Variants in CRYBG1 observed in about 807,000 individuals in gnomAD.
CRYBG1 encodes the protein beta/gamma crystallin domain-containing protein 1.
Under a neutral mutation model 189.2 loss-of-function variants are expected in CRYBG1, and 139 were observed. The ratio of observed to expected loss-of-function variants is 0.73; its 90% CI spans 0.64 to 0.85. CRYBG1 has a LOEUF of 0.85. Among genes scored for constraint, CRYBG1 ranks in the 40% least tolerant of loss-of-function variants. CRYBG1 has a pLI of 0.00. For missense variants in CRYBG1, 2,611 were observed against 2,675.8 expected, an observed-to-expected ratio of 0.98 and a Z score of 0.53; for synonymous variants, 1,023 against 1,017.1, an observed-to-expected ratio of 1.01 and a Z score of -0.11.
At chr6:106,531,300 G>C (rs1212506734) in intron 8 of CRYBG1, among the ~76,000 whole-genome samples, 1 of 152,188 alleles carries the variant, frequency 6.6e-6, no homozygotes, top group Non-Finnish European at 1.5e-5. Context: ...TCAGAAATGA[G>C]AAACTAAAAA....
intron 1 of CRYBG1, among the ~76,000 whole-genome samples, chr6:106,371,488 T>C (rs1363097486): frequency 6.6e-6 from 1 of 152,336 alleles, no homozygotes; most frequent in Non-Finnish European, 1.5e-5. Flanking sequence ...TTAGCTCCCA[T>C]GAACTAAGTG....
chr6:106,512,132 G>A lies in CRYBG1; in HGVS notation c.1015G>A (p.Ala339Thr), dbSNP rs1236052023. 19 of 1,534,256 alleles carry A rather than the reference G, an allele frequency of 1.2e-5. No individual in the cohort carries two copies. Among genetic ancestry groups the A allele is most frequent in the Non-Finnish European group, 1.6e-5 (18 of 1,146,002 alleles). The change falls in exon 3 of 22, where the codon GCG (alanine) becomes ACG (threonine). Residue 339 changes from alanine (A) to threonine (T), a missense_variant. Around this residue, in one of 3 missense-constraint regions of CRYBG1, gnomAD observed 985 missense variants for 924.4 expected, o/e 1.07. Coordinates refer to ENST00000633556, the MANE Select transcript of CRYBG1 (RefSeq NM_001371242.2). Reference protein sequence around the residue: ...RNARSQPPKGASDLPGEPPAE... With the variant: ...RNARSQPPKGTSDLPGEPPAE... ...CGCCCGCAGCCAGCCCCCCAAGGGC[G>A]CGTCTGATTTGCCAGGTGAGCCTCC... is the stretch of plus-strand genomic sequence containing the variant.
In CRYBG1 at chr6:106,543,540, CTG is replaced by C. The variant is rs754679298; in HGVS notation, c.4983_4984del (p.Gly1662ArgfsTer23). 5.6e-6 allele frequency: 9 copies of C among 1,613,946 alleles called. No homozygotes were observed. The East Asian group carries it at 1.6e-4, about 28-fold the overall frequency. On this transcript the variant is annotated frameshift_variant, in exon 11 of 22. Coordinates refer to ENST00000633556, the MANE Select transcript of CRYBG1 (RefSeq NM_001371242.2). LOFTEE classifies it high-confidence loss of function. ...GAGGGAGGTGAAACAGAAGAGGCGA[CTG>C]GAGACGATCATTTGCCGTTTACGTC...
In CRYBG1 at chr6:106,563,711, G is replaced by C. The variant is rs542981951; in HGVS notation, c.6139-53G>C. 3 of 1,536,438 alleles carry C rather than the reference G, an allele frequency of 2.0e-6. No individual in the cohort carries two copies. In the African/African-American group the frequency reaches 4.1e-5, roughly 21 times the overall value. On this transcript the variant is annotated intron_variant, in intron 20 of 21. Coordinates refer to ENST00000633556, the MANE Select transcript of CRYBG1 (RefSeq NM_001371242.2). ...ATGTAACCAGAGAAATAATTGCTAT[G>C]AGACTTACAGCTGGATACATATTTA...
intron 17 of CRYBG1, 109 bp from the exon 18 acceptor site, chr6:106,558,377 C>G (rs1362105716): frequency 1.0e-6 from 1 of 970,286 alleles, no homozygotes; most frequent in Non-Finnish European, 1.5e-6. Flanking sequence ...ATGGAAAGGC[C>G]AAATCTAGCA....
intron 1 of CRYBG1, among the ~76,000 whole-genome samples, chr6:106,430,720 C>G (rs1166374814): frequency 1.3e-5 from 2 of 152,040 alleles, no homozygotes; most frequent in Non-Finnish European, 2.9e-5. Context: ...CCCATATTAT[C>G]TCGTGGCCTT....
intron 2 of CRYBG1, among the ~76,000 whole-genome samples, chr6:106,483,090 TTCTA>T (rs1162985620): frequency 5.3e-5 from 8 of 152,076 alleles, no homozygotes; most frequent in South Asian, 2.1e-4. Context: ...AACTTACTCT[TTCTA>T]TCTAATTGTC....
At chr6:106,470,675 T>G (rs1415627067) in intron 2 of CRYBG1, among the ~76,000 whole-genome samples, 1 of 152,190 alleles carries the variant, frequency 6.6e-6, no homozygotes, top group Non-Finnish European at 1.5e-5. Flanking sequence ...GTAAGGCAGA[T>G]CTACTTAGAC....
At chr6:106,544,545 T>G (rs780761024) in intron 11 of CRYBG1, 26 bp from the exon 12 acceptor site, 2 of 1,607,074 alleles carry the variant, frequency 1.2e-6, no homozygotes, top group Non-Finnish European at 1.7e-6. Context: ...TGGAAATGAC[T>G]ACTCCTCGTG....
At chr6:106,558,728 C>T (rs1454265729) in intron 18 of CRYBG1, 103 bp downstream of exon 18, 32 of 883,004 alleles carry the variant, frequency 3.6e-5, no homozygotes, top group Middle Eastern at 4.7e-4. Flanking sequence ...TTTAGGAGGC[C>T]GAGGTAGAAG....
At chr6:106,391,213 G>A (rs959030322) in intron 1 of CRYBG1, among the ~76,000 whole-genome samples, 2 of 152,102 alleles carry the variant, frequency 1.3e-5, no homozygotes, top group Non-Finnish European at 2.9e-5. Flanking sequence ...CTCCCAAGTA[G>A]CTGAGATTAC....
At chr6:106,532,622 T>C (rs978752863) in intron 8 of CRYBG1, among the ~76,000 whole-genome samples, 2 of 152,216 alleles carry the variant, frequency 1.3e-5, no homozygotes, top group Admixed American at 1.3e-4. Flanking sequence ...AGGTGGTATC[T>C]CATTGTGGTT....
At chr6:106,453,437 C>T (rs866769661) in intron 2 of CRYBG1, among the ~76,000 whole-genome samples, 7 of 152,014 alleles carry the variant, frequency 4.6e-5, no homozygotes, top group Middle Eastern at 3.4e-3. Context: ...ACTGGCTTAC[C>T]GTACTTTATA....
intron 1 of CRYBG1, among the ~76,000 whole-genome samples, chr6:106,391,152 G>A (rs1770492923): frequency 1.3e-5 from 2 of 152,028 alleles, no homozygotes; most frequent in South Asian, 2.1e-4. Context: ...ACTGGTTCAA[G>A]CCAGTGAGCT....
At chr6:106,365,886 C>G (rs1771978398) in intron 1 of CRYBG1, among the ~76,000 whole-genome samples, 1 of 151,906 alleles carries the variant, frequency 6.6e-6, no homozygotes. Context: ...CCTCATTGGG[C>G]AGGCAGAGAT....
chr6:106,522,402 G>T (rs1773631360), intron 4 of CRYBG1, among the ~76,000 whole-genome samples: 1 of 152,134 alleles, frequency 6.6e-6, no homozygotes, highest in Non-Finnish European at 1.5e-5. Flanking sequence ...GTTTTCATTG[G>T]ATCTTTTCTT....
intron 2 of CRYBG1, among the ~76,000 whole-genome samples, chr6:106,485,040 G>T (rs1772568017): frequency 6.6e-6 from 1 of 152,126 alleles, no homozygotes; most frequent in African/African-American, 2.4e-5. Context: ...AATGTCATTG[G>T]TATTTTAATA....
chr6:106,363,619 CTG>C (rs1771922816), intron 1 of CRYBG1, among the ~76,000 whole-genome samples: 1 of 152,108 alleles, frequency 6.6e-6, no homozygotes, highest in Non-Finnish European at 1.5e-5. Flanking sequence ...GCAGCACTCA[CTG>C]TGGTTTTTGT....
At chr6:106,418,616 A>T (rs1771067639) in intron 1 of CRYBG1, among the ~76,000 whole-genome samples, 1 of 152,240 alleles carries the variant, frequency 6.6e-6, no homozygotes. Context: ...CCGTCATGAC[A>T]GGTGTCTTGG....
Sources: allele counts gnomAD v4.1 joint callset (sites outside exome capture counted in the v4.1 genomes callset), GRCh38; gene constraint gnomAD v4.1.1; regional missense constraint gnomAD v4.1.1; transcripts MANE v1.5; gene names NCBI Gene and HGNC (gene_info 2026-07-23, HGNC 2026-07-21).